PIGG: variants seen among roughly 807,000 people sequenced by gnomAD.
PIGG encodes the protein phosphatidylinositol glycan anchor biosynthesis class G (EMM blood group), also known as GPI ethanolamine phosphate transferase 2, catalytic subunit.
A neutral mutation model predicts 83.2 loss-of-function variants in PIGG; 70 were observed. That is an observed-to-expected ratio of 0.84 (90% CI 0.69 to 1.03). PIGG has a LOEUF of 1.03. PIGG is among the 50% of genes least tolerant of loss of function. The pLI, the probability that PIGG is intolerant of heterozygous loss-of-function variation, is 0.00. For missense variants in PIGG, 1,257 were observed against 1,233.6 expected, an observed-to-expected ratio of 1.02 and a Z score of -0.28; for synonymous variants, 532 against 519.5, an observed-to-expected ratio of 1.02 and a Z score of -0.33.
chr4:539,964 A>C lies in PIGG; in HGVS notation c.*595A>C, dbSNP rs1233272186. 6.6e-6 allele frequency: 1 copy of C among 152,192 alleles called. No individual in the cohort carries two copies. Among genetic ancestry groups the C allele is most frequent in the Non-Finnish European group, 1.5e-5 (1 of 68,094 alleles). 9.4% of individuals were successfully genotyped at this position (152,192 alleles called of 1,614,324 possible). A position where few individuals can be genotyped will look rare whatever the true frequency, so the allele number is the denominator to read the frequency against. ...GGTATCACTTGAGCCCAGGTGTTTGAGATCAGCCTGGGAAACATAGTGAGA... is the reference window on the plus strand; with the variant it reads ...GGTATCACTTGAGCCCAGGTGTTTGCGATCAGCCTGGGAAACATAGTGAGA... On this transcript the variant is annotated 3_prime_UTR_variant, in exon 13 of 13. Coordinates refer to ENST00000453061, the MANE Select transcript of PIGG (RefSeq NM_001127178.3).
intron 2 of PIGG, among the ~76,000 whole-genome samples, chr4:505,218 CTT>C (rs1263088675): frequency 2.6e-5 from 4 of 152,042 alleles, no homozygotes; most frequent in African/African-American, 9.7e-5. Context: ...CCTTTAACCT[CTT>C]GTCAGCTGGA....
rs1553881493 is a variant in PIGG at position 508,899 on chromosome 4, A to G, written c.830A>G (p.His277Arg). The change falls in exon 5 of 13, where the codon CAC becomes CGC. Residue 277 changes from histidine (H) to arginine (R), a missense_variant. By Grantham distance (29) the His-to-Arg change is conservative (BLOSUM62 0). Coordinates refer to ENST00000453061, the MANE Select transcript of PIGG (RefSeq NM_001127178.3). ...GDHGMSETGS[H>R]GASSTEEVNT... ...CATGGCATGTCTGAAACAGGAAGTCACGGGGCCTCCTCCACCGAGGAGGTG... is the reference window on the plus strand; with the variant it reads ...CATGGCATGTCTGAAACAGGAAGTCGCGGGGCCTCCTCCACCGAGGAGGTG... 1 of 1,613,574 alleles carries G rather than the reference A, an allele frequency of 6.2e-7. No individual in the cohort carries two copies. Among genetic ancestry groups the G allele is most frequent in the Non-Finnish European group, 8.5e-7 (1 of 1,179,486 alleles).
At chr4:535,911 T>G (rs1343176580) in intron 12 of PIGG, among the ~76,000 whole-genome samples, 2 of 152,156 alleles carry the variant, frequency 1.3e-5, no homozygotes, top group African/African-American at 2.4e-5. Flanking sequence ...CAGACCCAGA[T>G]GCCCAGCCCC....
chr4:500,563 G>A lies in PIGG; in HGVS notation c.322G>A (p.Glu108Lys). The change falls in exon 2 of 13, where the codon GAA becomes AAA. Residue 108 changes from glutamate (E) to lysine (K), a missense_variant. Coordinates refer to ENST00000453061, the MANE Select transcript of PIGG (RefSeq NM_001127178.3). Reference sequence around the variant, plus strand: ...AGGAGCATCTCACAGTTTTGTGGCTGAAGCAAAGCCACCTACAGTTACTAT... The same window carrying A: ...AGGAGCATCTCACAGTTTTGTGGCTAAAGCAAAGCCACCTACAGTTACTAT... Reference protein sequence around the residue: ...EKGASHSFVAEAKPPTVTMPR... With the variant: ...EKGASHSFVAKAKPPTVTMPR... The A allele has an allele frequency of 6.2e-7, 1 of 1,612,702 alleles. No homozygotes were observed. Among genetic ancestry groups the A allele is most frequent in the Non-Finnish European group, 8.5e-7 (1 of 1,178,656 alleles).
Position 527,703 on chromosome 4 carries a change from C to G in PIGG, c.2261+473C>G, listed in dbSNP as rs183872375. On this transcript the variant is annotated intron_variant, in intron 10 of 12. Transcript: ENST00000453061. Reference sequence around the variant, plus strand: ...ATCAGACCGTCCTTGTAATTTATAACGAGCCCCCGTAAGGGGCCAGGAGCT... The same window carrying G: ...ATCAGACCGTCCTTGTAATTTATAAGGAGCCCCCGTAAGGGGCCAGGAGCT... The G allele has an allele frequency of 5.1e-6, 5 of 985,154 alleles. No individual in the cohort carries two copies. The African/African-American group carries it at 5.2e-5, about 10-fold the overall frequency. 61.0% of individuals were successfully genotyped at this position (985,154 alleles called of 1,614,324 possible). A position where few individuals can be genotyped will look rare whatever the true frequency, so the allele number is the denominator to read the frequency against.
Position 539,462 on chromosome 4 carries a change from T to C in PIGG, c.*93T>C. ...AATTCAACAAAGTTGATGGATAACT[T>C]TCTTTGACTGCTCTACCTGAATTTA... On this transcript the variant is annotated 3_prime_UTR_variant, in exon 13 of 13. Transcript: ENST00000453061. 2.8e-6 allele frequency: 2 copies of C among 725,074 alleles called. No individual in the cohort carries two copies. The highest frequency in any genetic ancestry group is 4.6e-6 in the Non-Finnish European group (2 of 430,652). The allele number at this position is 725,074 out of a possible 1,614,324, so 44.9% of individuals were successfully genotyped here.
rs1471199682 is a variant in PIGG at position 523,568 on chromosome 4, A to C, written c.1724A>C (p.His575Pro). Residue 575 changes from histidine to proline, a missense_variant, in exon 9 of 13, where the codon CAC becomes CCC. By Grantham distance (77) the His-to-Pro change is moderately conservative. Transcript: ENST00000453061. ...GCCAGCAGCTTCGTGGAGGAGGAGC[A>C]CCAGACCTGGTACTTCCTTGTGAAC... ...LGASSFVEEE[H>P]QTWYFLVNTL... 6.2e-7 allele frequency: 1 copy of C among 1,614,124 alleles called. No homozygotes were observed.
Position 515,203 on chromosome 4 carries a change from G to A in PIGG, c.902-770G>A, listed in dbSNP as rs376742605. On this transcript the variant is annotated intron_variant, in intron 5 of 12. Transcript: ENST00000453061. This position sits in a 1 kb window ranked among gnomAD's most constrained non-coding sequence, Gnocchi z 4.2. ...TGTGGCCTCTTGGCGCCCTGCCGGT[G>A]TACGTTGAATTCCAGGGTGTGGAGC... Among the ~76,000 whole-genome samples the A allele has an allele frequency of 2.6e-5, 4 of 152,360 alleles. No homozygotes were observed. In the East Asian group the frequency reaches 7.7e-4, roughly 29 times the overall value.
chr4:507,514 C>T lies in PIGG; in HGVS notation c.680C>T (p.Pro227Leu). ...GACCACATTGGCCACATTTCAGGGC[C>T]CAACAGCCCCCTGATTGGGCAGAAG... ...GLDHIGHISG[P>L]NSPLIGQKLS... Residue 227 changes from proline (P) to leucine (L), a missense_variant, in exon 4 of 13, where the codon CCC becomes CTC. Physicochemically the swap from Pro to Leu is moderately conservative, Grantham distance 98 (BLOSUM62 -3). Coordinates refer to ENST00000453061, the MANE Select transcript of PIGG (RefSeq NM_001127178.3). 4 of 1,614,122 alleles carry T rather than the reference C, an allele frequency of 2.5e-6. No individual in the cohort carries two copies. In the South Asian group the frequency reaches 4.4e-5, roughly 18 times the overall value.
chr4:523,740 G>A lies in PIGG; in HGVS notation c.1896G>A (p.Glu632=). 1 of 1,614,192 alleles carries A rather than the reference G, an allele frequency of 6.2e-7. No homozygotes were observed. The highest frequency in any genetic ancestry group is 8.5e-7 in the Non-Finnish European group (1 of 1,180,052). The change falls in exon 9 of 13, where the codon GAG becomes GAA. Residue 632 remains glutamate, a synonymous_variant. Coordinates refer to ENST00000453061, the MANE Select transcript of PIGG (RefSeq NM_001127178.3). ...WQDGPGCDVL[E]RDKGHGSPST... is the part of the protein sequence containing the mutation. ...ACGGGCCTGGCTGTGATGTCCTGGA[G>A]CGAGACAAAGGCCACGGAAGCCCCT...
chr4:512,557 T>TC (rs1560301581), intron 5 of PIGG, among the ~76,000 whole-genome samples: 1 of 151,966 alleles, frequency 6.6e-6, no homozygotes, highest in Non-Finnish European at 1.5e-5. Flanking sequence ...GGTGGCTCAT[T>TC]TGTAATCCCA....
In PIGG at chr4:515,589, G is replaced by T. The variant is rs1723561731; in HGVS notation, c.902-384G>T. Among the ~76,000 whole-genome samples, 1 of 152,246 alleles carries T rather than the reference G, an allele frequency of 6.6e-6. No homozygotes were observed. The highest frequency in any genetic ancestry group is 1.5e-5 in the Non-Finnish European group (1 of 68,040). On this transcript the variant is annotated intron_variant, in intron 5 of 12. Coordinates refer to ENST00000453061, the MANE Select transcript of PIGG (RefSeq NM_001127178.3). The surrounding 1 kb of genome is among the most constrained non-coding windows in gnomAD (Gnocchi z 4.2). ...GATGCTCCAAATCCAGAGGGGCCGG[G>T]CTGTCAGCGATCCCAGCCTCACTTC...
chr4:510,906 G>A (rs1208298650), intron 5 of PIGG, among the ~76,000 whole-genome samples: 1 of 151,958 alleles, frequency 6.6e-6, no homozygotes, highest in Non-Finnish European at 1.5e-5. Context: ...TCTTCTGCAT[G>A]TTTTGTGTAA....
Position 531,449 on chromosome 4 carries a change from C to G in PIGG, c.2571+704C>G, listed in dbSNP as rs532551881. 7 of 153,480 alleles carry G rather than the reference C, an allele frequency of 4.6e-5. No individual in the cohort carries two copies. In the South Asian group the frequency reaches 1.4e-3, roughly 30 times the overall value. The allele number at this position is 153,480 out of a possible 1,614,324, so 9.5% of individuals were successfully genotyped here. On this transcript the variant is annotated intron_variant, in intron 11 of 12. Coordinates refer to ENST00000453061, the MANE Select transcript of PIGG (RefSeq NM_001127178.3). ...GAACGTCGTGGTTGCATTTTGGTCT[C>G]TACCGTGAGGTCTGTATTTTCTTGG...
rs896497712 is a variant in PIGG, at chr4:530,308, G to C, written c.2262-128G>C. Reference sequence around the variant, plus strand: ...CCTGGGGGGTAGGGAGGGTGCCGCGGCTCCTTTAGTCAGCAGTGCTGGACA... The same window carrying C: ...CCTGGGGGGTAGGGAGGGTGCCGCGCCTCCTTTAGTCAGCAGTGCTGGACA... On this transcript the variant is annotated intron_variant, in intron 10 of 12. Coordinates refer to ENST00000453061, the MANE Select transcript of PIGG (RefSeq NM_001127178.3). 5 of 672,968 alleles carry C rather than the reference G, an allele frequency of 7.4e-6. No homozygotes were observed. The South Asian group carries it at 9.3e-5, about 13-fold the overall frequency. 41.7% of individuals were successfully genotyped at this position (672,968 alleles called of 1,614,324 possible).
chr4:506,856 T>G (rs186273970), intron 3 of PIGG: 1 of 454,566 alleles, frequency 2.2e-6, no homozygotes, highest in Admixed American at 2.4e-5. Flanking sequence ...TGCTGGTTAC[T>G]TTAACGCTGG....
chr4:510,277 G>A (rs1271044438), intron 5 of PIGG, among the ~76,000 whole-genome samples: 1 of 152,216 alleles, frequency 6.6e-6, no homozygotes, highest in East Asian at 1.9e-4. Context: ...CGAAGGGATG[G>A]GCTGAATTAA....
rs748881412 is a variant in PIGG, at chr4:521,818, G to A, written c.1491G>A (p.Ser497=). 1.8e-5 allele frequency: 29 copies of A among 1,614,064 alleles called. No homozygotes were observed. The Middle Eastern group carries it at 4.9e-4, about 27-fold the overall frequency. The change falls in exon 8 of 13, where the codon TCG becomes TCA. Residue 497 remains serine (S), a synonymous_variant. Coordinates refer to ENST00000453061, the MANE Select transcript of PIGG (RefSeq NM_001127178.3). ...HVIVCTSAES[S]CYFCGLSWLA... Reference sequence around the variant, plus strand: ...TTGTGTGCACCTCAGCTGAAAGTTCGTGCTACTTCTGTGGCCTCTCGTGGC... The same window carrying A: ...TTGTGTGCACCTCAGCTGAAAGTTCATGCTACTTCTGTGGCCTCTCGTGGC...
intron 12 of PIGG, 73 bp from the exon 13 acceptor site, chr4:539,080 A>G (rs1277581470): frequency 7.0e-6 from 7 of 999,222 alleles, no homozygotes; most frequent in Non-Finnish European, 1.1e-5. Flanking sequence ...AGTCTTTTTG[A>G]AAATAAAAGT....
Sources: allele counts gnomAD v4.1 joint callset (sites outside exome capture counted in the v4.1 genomes callset), GRCh38; gene constraint gnomAD v4.1.1; non-coding constraint Gnocchi (gnomAD v3.1); transcripts MANE v1.5; gene names NCBI Gene and HGNC (gene_info 2026-07-23, HGNC 2026-07-21).